ROBO1: variants seen among roughly 807,000 people sequenced by gnomAD.
The protein encoded by ROBO1 is roundabout guidance receptor 1, also known as roundabout homolog 1.
A neutral mutation model predicts 195.9 loss-of-function variants in ROBO1; 149 were observed. The ratio of observed to expected loss-of-function variants is 0.76; its 90% CI spans 0.67 to 0.87. The LOEUF (loss-of-function observed/expected upper bound fraction) is 0.87, where lower values mean the gene tolerates loss of function less well. Ranked by LOEUF, ROBO1 falls within the 40% of genes least tolerant of loss-of-function variation. The pLI is 0.00. For synonymous variants in ROBO1, 816 were observed against 733.2 expected, an observed-to-expected ratio of 1.11 and a Z score of -1.82; for missense variants, 1,933 against 2,068.3, an observed-to-expected ratio of 0.93 and a Z score of 1.27.
In ROBO1 at chr3:78,730,573, A is replaced by C. The variant is rs2082263539; in HGVS notation, c.658-12690T>G. ...ACATTCTGTGGTATTTTAATCCCAA[A>C]GAGTCAAAGGAGAAAAAGAAGAGCT... On this transcript the variant is annotated intron_variant, in intron 5 of 30. Transcript: ENST00000464233. 2.0e-5 allele frequency among the ~76,000 whole-genome samples: 3 copies of C among 152,110 alleles called. 1 individual carries two copies. Among genetic ancestry groups the C allele is most frequent in the Non-Finnish European group, 2.9e-5 (2 of 68,002 alleles).
At chr3:78,958,821 T>TC (rs1441192307) in intron 3 of ROBO1, among the ~76,000 whole-genome samples, 4 of 107,528 alleles carry the variant, frequency 3.7e-5, no homozygotes, top group Admixed American at 3.5e-4. Flanking sequence ...TTCTTCTTCT[T>TC]TTTTTTTTTT....
chr3:79,498,152 G>GA (rs1277182946), intron 2 of ROBO1, among the ~76,000 whole-genome samples: 1 of 152,042 alleles, frequency 6.6e-6, no homozygotes, highest in Non-Finnish European at 1.5e-5. Flanking sequence ...ACAGAAATAT[G>GA]AAAAAATAAT....
chr3:78,944,657 C>A (rs887415405), intron 3 of ROBO1, among the ~76,000 whole-genome samples: 3 of 152,226 alleles, frequency 2.0e-5, no homozygotes, highest in Non-Finnish European at 2.9e-5. Context: ...GAGTGCCAGA[C>A]AGTAGGTGCA....
At chr3:79,401,872 C>T (rs1043444789) in intron 2 of ROBO1, among the ~76,000 whole-genome samples, 2 of 151,764 alleles carry the variant, frequency 1.3e-5, no homozygotes, top group African/African-American at 4.8e-5. Flanking sequence ...TAGGTTTCTT[C>T]AATATTTTAT....
chr3:78,884,725 G>T (rs1344869064), intron 4 of ROBO1, among the ~76,000 whole-genome samples: 2 of 146,866 alleles, frequency 1.4e-5, no homozygotes, highest in South Asian at 2.2e-4. Flanking sequence ...GGAAAGGAAA[G>T]GAAGGAAGGA....
chr3:79,544,720 T>C (rs1942198998), intron 2 of ROBO1, among the ~76,000 whole-genome samples: 2 of 149,976 alleles, frequency 1.3e-5, no homozygotes. Context: ...AATTTAAACA[T>C]TAAAAAAGTC....
chr3:79,500,644 C>T (rs60071921), intron 2 of ROBO1, among the ~76,000 whole-genome samples: 7,182 of 152,190 alleles, frequency 0.047, 584 homozygotes, highest in African/African-American at 0.16. Context: ...CTCTAGGAAA[C>T]GCCTTTTTCA....
chr3:78,788,440 TAAA>T (rs35773751), intron 4 of ROBO1, among the ~76,000 whole-genome samples: 12 of 75,756 alleles, frequency 1.6e-4, no homozygotes, highest in African/African-American at 4.2e-4. Context: ...TTTTTTTTTT[TAAA>T]AAAAAAAAAA....
At chr3:79,536,775 T>A (rs915535759) in intron 2 of ROBO1, among the ~76,000 whole-genome samples, 3 of 152,146 alleles carry the variant, frequency 2.0e-5, no homozygotes, top group Admixed American at 6.6e-5. Flanking sequence ...TGTAGACTAG[T>A]GGAAAAAGTA....
intron 1 of ROBO1, among the ~76,000 whole-genome samples, chr3:79,665,555 G>A (rs1946452601): frequency 6.6e-6 from 1 of 151,728 alleles, no homozygotes; most frequent in Admixed American, 6.6e-5. Flanking sequence ...CAATAGCCGT[G>A]AGGTCTTGTA....
chr3:78,656,758 T>C (rs1328903905), intron 18 of ROBO1, among the ~76,000 whole-genome samples: 1 of 152,196 alleles, frequency 6.6e-6, no homozygotes, highest in African/African-American at 2.4e-5. Context: ...ATTTGTTGAA[T>C]AGATAAAAAA....
At chr3:78,800,477 T>C (rs2084332111) in intron 4 of ROBO1, among the ~76,000 whole-genome samples, 1 of 152,184 alleles carries the variant, frequency 6.6e-6, no homozygotes, top group Admixed American at 6.5e-5. Flanking sequence ...ATAGGATGAC[T>C]TACCCTCACC....
chr3:79,395,340 A>AAAAGAAAGAAAGAAAGAAAG (rs71127382), intron 2 of ROBO1, among the ~76,000 whole-genome samples: 40 of 119,066 alleles, frequency 3.4e-4, no homozygotes, highest in African/African-American at 1.1e-3. Flanking sequence ...AAAAAAAAAA[A>AAAAGAAAGAAAGAAAGAAAG]AAAGAAAGAA....
intron 2 of ROBO1, among the ~76,000 whole-genome samples, chr3:79,423,263 A>G (rs889326648): frequency 3.9e-5 from 6 of 152,176 alleles, no homozygotes; most frequent in African/African-American, 1.4e-4. Context: ...CCTCACCTGT[A>G]GTGAATAGAA....
At chr3:79,656,522 C>T in intron 1 of ROBO1, among the ~76,000 whole-genome samples, 1 of 152,004 alleles carries the variant, frequency 6.6e-6, no homozygotes, top group South Asian at 2.1e-4. Flanking sequence ...TTTTGTCTAT[C>T]AATTATCTAT....
chr3:79,077,427 A>G (rs1156711103), intron 3 of ROBO1, among the ~76,000 whole-genome samples: 1 of 151,884 alleles, frequency 6.6e-6, no homozygotes, highest in Admixed American at 6.6e-5. Flanking sequence ...GTATACATCT[A>G]TATACACAGA....
chr3:78,972,735 C>T (rs1400343844), intron 3 of ROBO1, among the ~76,000 whole-genome samples: 1 of 152,166 alleles, frequency 6.6e-6, no homozygotes, highest in Non-Finnish European at 1.5e-5. Flanking sequence ...TTGGCCTGTA[C>T]ACCCTTCCTC....
intron 28 of ROBO1, 31 bp downstream of exon 28, chr3:78,614,617 T>C (rs373207277): frequency 1.1e-4 from 183 of 1,610,520 alleles, no homozygotes; most frequent in Non-Finnish European, 1.4e-4. Context: ...GCGAGATTCA[T>C]AGACGTTTTC....
chr3:79,059,091 G>A lies in ROBO1; in HGVS notation c.172+66365C>T, dbSNP rs577049914. 3.3e-5 allele frequency among the ~76,000 whole-genome samples: 5 copies of A among 152,152 alleles called. No homozygotes were observed. In the South Asian group the frequency reaches 6.2e-4, roughly 19 times the overall value. ...GCTTGGAGATCGGGTAGTGAGTCTC[G>A]AATATTGCATGCAAATGCAGTGTGA... On this transcript the variant is annotated intron_variant, in intron 3 of 30. Coordinates refer to ENST00000464233, the MANE Select transcript of ROBO1 (RefSeq NM_002941.4).
Sources: allele counts gnomAD v4.1 joint callset (sites outside exome capture counted in the v4.1 genomes callset), GRCh38; gene constraint gnomAD v4.1.1; transcripts MANE v1.5; gene names NCBI Gene and HGNC (gene_info 2026-07-23, HGNC 2026-07-21).